Variants in SLC28A1 observed in about 807,000 individuals in gnomAD.
SLC28A1 encodes solute carrier family 28 member 1, also known as sodium/nucleoside cotransporter 1.
SLC28A1 carries 64 observed loss-of-function variants against 74.8 expected under a neutral mutation model. That is an observed-to-expected ratio of 0.86 (90% CI 0.70 to 1.05). The LOEUF (loss-of-function observed/expected upper bound fraction) is 1.05. Ranked by LOEUF, SLC28A1 falls within the 50% of genes least tolerant of loss-of-function variation. SLC28A1 has a pLI of 0.00. For missense variants in SLC28A1, 828 were observed against 822.8 expected, an observed-to-expected ratio of 1.01 and a Z score of -0.08; for synonymous variants, 359 against 335.0, an observed-to-expected ratio of 1.07 and a Z score of -0.78.
the SLC28A1 span, among the ~76,000 whole-genome samples, chr15:84,967,121 C>T: frequency 0.043 from 6,590 of 152,186 alleles, 433 homozygotes; most frequent in Admixed American, 0.17. Context: ...GGATTATCTA[C>T]GACCTGCAGC....
Position 84,943,371 on chromosome 15 carries a change from G to A in SLC28A1, c.1582-74G>A, listed in dbSNP as rs1001004214. 8 of 1,035,076 alleles carry A rather than the reference G, an allele frequency of 7.7e-6. No individual in the cohort carries two copies. The Admixed American group carries it at 1.2e-4, about 15-fold the overall frequency. The allele number at this position is 1,035,076 out of a possible 1,614,324, so 64.1% of individuals were successfully genotyped here. On this transcript the variant is annotated intron_variant, in intron 15 of 18. Transcript: ENST00000394573. ...AGAAGTGGGTAAAATTAAGGCCAGG[G>A]AGCCTGGGTGTTATAGGGGTGCCCC...
chr15:84,975,484 T>C, the SLC28A1 span: 8 of 456,198 alleles, frequency 1.8e-5, no homozygotes, highest in African/African-American at 4.0e-5. Flanking sequence ...TATGTTCCAG[T>C]AACGTGTTTC....
At chr15:84,963,175 GA>G in the SLC28A1 span, among the ~76,000 whole-genome samples, 1 of 152,132 alleles carries the variant, frequency 6.6e-6, no homozygotes, top group Admixed American at 6.5e-5. Flanking sequence ...AATTGAATTA[GA>G]AAAAATCAAG....
intron 6 of SLC28A1, among the ~76,000 whole-genome samples, chr15:84,900,401 CAAAAAAAA>C (rs71135319): frequency 6.8e-5 from 4 of 58,944 alleles, no homozygotes; most frequent in African/African-American, 2.6e-4. Context: ...GACACTGTCT[CAAAAAAAA>C]AAAAAAAAAA....
intron 9 of SLC28A1, among the ~76,000 whole-genome samples, chr15:84,913,611 G>C (rs916598069): frequency 6.6e-6 from 1 of 152,196 alleles, no homozygotes; most frequent in East Asian, 1.9e-4. Flanking sequence ...GCTGGTCCAC[G>C]TGCTGAGAAC....
At chr15:84,889,006 C>T (rs976162541) in intron 4 of SLC28A1, 146 bp downstream of exon 4, 25 of 651,532 alleles carry the variant, frequency 3.8e-5, no homozygotes, top group Non-Finnish European at 1.1e-5. Context: ...AGCCAACACG[C>T]ACAGGCACAT....
At chr15:84,951,377 C>A in the SLC28A1 span, among the ~76,000 whole-genome samples, 1 of 151,294 alleles carries the variant, frequency 6.6e-6, no homozygotes, top group Non-Finnish European at 1.5e-5. Context: ...CTACAGTGAG[C>A]CATGACCCAC....
At chr15:84,933,571 G>C (rs564625406) in intron 13 of SLC28A1, among the ~76,000 whole-genome samples, 1 of 152,308 alleles carries the variant, frequency 6.6e-6, no homozygotes, top group African/African-American at 2.4e-5. Context: ...TGCTGCTGGG[G>C]ATTCTGCAGA....
chr15:84,892,426 A>G (rs1463157720), intron 5 of SLC28A1, among the ~76,000 whole-genome samples: 1 of 152,100 alleles, frequency 6.6e-6, no homozygotes, highest in African/African-American at 2.4e-5. Flanking sequence ...AGCCAGGGCC[A>G]TCTCTGTTTC....
chr15:84,907,634 T>C (rs1218716517), intron 8 of SLC28A1, among the ~76,000 whole-genome samples: 1 of 152,180 alleles, frequency 6.6e-6, no homozygotes, highest in Non-Finnish European at 1.5e-5. Flanking sequence ...GCCTCCCAAG[T>C]AGCTGGGACT....
At chr15:84,975,023 G>T in the SLC28A1 span, among the ~76,000 whole-genome samples, 1 of 152,234 alleles carries the variant, frequency 6.6e-6, no homozygotes, top group African/African-American at 2.4e-5. Flanking sequence ...ATATAACAGG[G>T]TGAAACCTTG....
At chr15:84,927,178 C>T (rs374889216) in intron 12 of SLC28A1, among the ~76,000 whole-genome samples, 10 of 152,260 alleles carry the variant, frequency 6.6e-5, no homozygotes, top group African/African-American at 2.2e-4. Context: ...ACCCACCCAC[C>T]CCACCACCAA....
chr15:84,925,313 A>T (rs897597075), intron 12 of SLC28A1, among the ~76,000 whole-genome samples: 1 of 152,026 alleles, frequency 6.6e-6, no homozygotes, highest in Non-Finnish European at 1.5e-5. Flanking sequence ...TTAGAAATGC[A>T]AATTCTTGGG....
intron 12 of SLC28A1, among the ~76,000 whole-genome samples, chr15:84,932,699 T>TG (rs1466296038): frequency 6.6e-6 from 1 of 152,246 alleles, no homozygotes; most frequent in African/African-American, 2.4e-5. Context: ...GAGCTTTGTC[T>TG]GAAAGCATTA....
At chr15:84,895,308 G>T (rs1268355973) in intron 6 of SLC28A1, 185 bp downstream of exon 6, 1 of 1,604,970 alleles carries the variant, frequency 6.2e-7, no homozygotes, top group Non-Finnish European at 8.5e-7. Flanking sequence ...TGTTTCACCA[G>T]TTCTTAGTCC....
At chr15:84,960,344 C>T in the SLC28A1 span, among the ~76,000 whole-genome samples, 1 of 147,492 alleles carries the variant, frequency 6.8e-6, no homozygotes, top group Non-Finnish European at 1.5e-5. Context: ...CAACCTCCGC[C>T]CCTGCTGAAT....
At chr15:84,897,962 T>C (rs1230953421) in intron 6 of SLC28A1, among the ~76,000 whole-genome samples, 1 of 149,762 alleles carries the variant, frequency 6.7e-6, no homozygotes, top group African/African-American at 2.4e-5. Flanking sequence ...AATAACAGGA[T>C]TTCATTGTTT....
chr15:84,951,454 G>A, the SLC28A1 span, among the ~76,000 whole-genome samples: 5 of 132,062 alleles, frequency 3.8e-5, no homozygotes, highest in African/African-American at 1.4e-4. Context: ...AAAAAAAAAA[G>A]AAGGAGTCTG....
chr15:84,903,921 C>T (rs532100622), intron 6 of SLC28A1, among the ~76,000 whole-genome samples, 176 bp from the exon 7 acceptor site: 13 of 152,280 alleles, frequency 8.5e-5, no homozygotes, highest in East Asian at 3.9e-4. Flanking sequence ...GGTCACACAG[C>T]GAGGTCAGCC....
Sources: gnomAD v4.1 joint callset for allele counts (sites outside exome capture counted in the v4.1 genomes callset) on GRCh38, gnomAD v4.1.1 for gene constraint, MANE v1.5 for transcripts, NCBI Gene and HGNC (gene_info 2026-07-23, HGNC 2026-07-21) for gene names.